The following CATSPERD variants were observed in gnomAD, a reference collection of about 807,000 sequenced individuals.
CATSPERD encodes the protein cation channel sperm-associated auxiliary subunit delta.
A neutral mutation model predicts 98.1 loss-of-function variants in CATSPERD; 86 were observed. That is an observed-to-expected ratio of 0.88 (90% CI 0.74 to 1.05). The LOEUF (loss-of-function observed/expected upper bound fraction) is 1.05, where lower values mean the gene tolerates loss of function less well. CATSPERD is among the 50% of genes least tolerant of loss of function. The probability of loss-of-function intolerance (pLI) is 0.00; values close to 1 mark genes in which losing one functional copy is unlikely to be tolerated. For missense variants in CATSPERD, 995 were observed against 1,005.7 expected (o/e 0.99, Z 0.14); for synonymous variants, 394 against 390.2 (o/e 1.01, Z -0.12).
At chr19:5,770,739 T>C (rs1340139244) in intron 18 of CATSPERD, among the ~76,000 whole-genome samples, 1 of 152,070 alleles carries the variant, frequency 6.6e-6, no homozygotes, top group Non-Finnish European at 1.5e-5. Context: ...CATGACTGCA[T>C]TACTATGCTC....
intron 9 of CATSPERD, among the ~76,000 whole-genome samples, chr19:5,747,875 G>A (rs2056126104): frequency 6.6e-6 from 1 of 152,114 alleles, no homozygotes; most frequent in South Asian, 2.1e-4. Context: ...GCCTCCCAAA[G>A]TACTGGGATT....
At chr19:5,721,799 G>T (rs1170426748) in intron 1 of CATSPERD, among the ~76,000 whole-genome samples, 2 of 151,980 alleles carry the variant, frequency 1.3e-5, no homozygotes, top group Non-Finnish European at 2.9e-5. Context: ...GACCAGCCTG[G>T]CCAACATGAT....
At position 5,763,300 on chromosome 19, in the gene CATSPERD, C is replaced by G. The variant is rs762381116; in HGVS notation, c.1506+7C>G. 3.7e-6 allele frequency: 6 copies of G among 1,611,152 alleles called. No homozygotes were observed. In the Admixed American group the frequency reaches 5.0e-5, roughly 13 times the overall value. On this transcript the variant is annotated splice_region_variant and intron_variant, in intron 16 of 21. Transcript: ENST00000381624. ...TGTGGATATCAAGCCACTGGTAGGT[C>G]CCAAATCTTTGCTGTCCCATATTCG...
Position 5,720,690 on chromosome 19 carries a change from C to A in CATSPERD, c.-48C>A. On this transcript the variant is annotated 5_prime_UTR_variant, in exon 1 of 22. Coordinates refer to ENST00000381624, the MANE Select transcript of CATSPERD (RefSeq NM_152784.4). ...TGCACGTACTCGGATTGTGCAGCGA[C>A]TCCCCGTGGCGGTTGAGGGGCAGTG... 6.4e-7 allele frequency: 1 copy of A among 1,569,188 alleles called. No individual in the cohort carries two copies.
chr19:5,741,788 G>A lies in CATSPERD; in HGVS notation c.573+2349G>A, dbSNP rs1055337162. Among the ~76,000 whole-genome samples the A allele has an allele frequency of 3.9e-4, 38 of 96,790 alleles. 10 individuals carry two copies. In the East Asian group the frequency reaches 8.4e-3, roughly 21 times the overall value. 63.5% of individuals were successfully genotyped at this position (96,790 alleles called of 152,430 possible). ...CAGCACTTTGGGATGCTGAAGGCGG[G>A]GGGGGGGGGGTGGTGTGGATCACTT... On this transcript the variant is annotated intron_variant, in intron 7 of 21. Transcript: ENST00000381624.
rs1305833783 is a variant in CATSPERD at position 5,729,879 on chromosome 19, GT to G, written c.218del (p.Phe73SerfsTer26). The G allele has an allele frequency of 5.1e-6, 8 of 1,580,656 alleles. No homozygotes were observed. Among genetic ancestry groups the G allele is most frequent in the South Asian group, 1.1e-5 (1 of 87,148 alleles). On this transcript the variant is annotated frameshift_variant, in exon 4 of 22. Coordinates refer to ENST00000381624, the MANE Select transcript of CATSPERD (RefSeq NM_152784.4). LOFTEE classifies it high-confidence loss of function. ...KNIALYLGKQ[V>X]FFTMDNFETS... ...ATTTATTGTTTATTTCAGGAAACAAGTTTTTTTCACAATGGATAACTTTGAG... is the reference window on the plus strand; with the variant it reads ...ATTTATTGTTTATTTCAGGAAACAAGTTTTTTCACAATGGATAACTTTGAG...
At chr19:5,751,197 C>CAAAAAAAAAAAA (rs556079596) in intron 11 of CATSPERD, among the ~76,000 whole-genome samples, 5 of 46,600 alleles carry the variant, frequency 1.1e-4, no homozygotes, top group Non-Finnish European at 1.5e-4. Flanking sequence ...GATTCCGTCT[C>CAAAAAAAAAAAA]AAAAAAAAAA....
In CATSPERD at chr19:5,776,239, C is replaced by T. The variant is rs553233604; in HGVS notation, c.2020C>T (p.Arg674Trp). 319 of 1,614,168 alleles carry T rather than the reference C, an allele frequency of 2.0e-4. 5 individuals carry two copies. In the South Asian group the frequency reaches 2.7e-3, roughly 13 times the overall value. The change falls in exon 21 of 22, where the codon CGG becomes TGG. Residue 674 changes from arginine (R) to tryptophan (W), a missense_variant. Physicochemically the swap from Arg to Trp is moderately radical, Grantham distance 101 (BLOSUM62 -3). This residue lies in a region of CATSPERD where 762 missense variants were observed against 773.7 expected (regional missense o/e 0.98). Coordinates refer to ENST00000381624, the MANE Select transcript of CATSPERD (RefSeq NM_152784.4). ...CGTCCAGTATCAGATCTTGGGCGGC[C>T]GGACAGCAAACCAGATCATTTTCGG... The part of the protein sequence containing the change: ...PDVQYQILGG[R>W]TANQIIFGHN...
intron 15 of CATSPERD, among the ~76,000 whole-genome samples, chr19:5,760,398 C>A (rs997378196): frequency 7.4e-4 from 102 of 138,742 alleles, no homozygotes; most frequent in Non-Finnish European, 9.3e-4. Flanking sequence ...AACTCGTTCT[C>A]AAAAAAAAAA....
At chr19:5,734,649 A>T (rs1310390256) in intron 5 of CATSPERD, among the ~76,000 whole-genome samples, 1 of 151,768 alleles carries the variant, frequency 6.6e-6, no homozygotes, top group Non-Finnish European at 1.5e-5. Context: ...AAAAAAAAAA[A>T]AATTAGCTGG....
rs1568378647 is a variant in CATSPERD at position 5,776,117 on chromosome 19, T to TC, written c.1942-40dup. 3 of 1,597,236 alleles carry TC rather than the reference T, an allele frequency of 1.9e-6. No individual in the cohort carries two copies. The South Asian group carries it at 3.3e-5, about 18-fold the overall frequency. Reference sequence around the variant, plus strand: ...GGGAGGAGGGAGGCTCAGGGCCCCCTCCCCAGTCCCTAGGGCCAGTGGGCA... The same window carrying TC: ...GGGAGGAGGGAGGCTCAGGGCCCCCTCCCCCAGTCCCTAGGGCCAGTGGGCA... On this transcript the variant is annotated intron_variant, in intron 20 of 21. Coordinates refer to ENST00000381624, the MANE Select transcript of CATSPERD (RefSeq NM_152784.4).
chr19:5,766,779 G>A (rs534193822), intron 17 of CATSPERD, among the ~76,000 whole-genome samples: 64 of 150,344 alleles, frequency 4.3e-4, no homozygotes, highest in African/African-American at 1.4e-3. Context: ...TGCAACCTCC[G>A]CCTCCCAGGT....
At chr19:5,733,702 C>T (rs527304342) in intron 4 of CATSPERD, among the ~76,000 whole-genome samples, 154 bp from the exon 5 acceptor site, 2 of 151,728 alleles carry the variant, frequency 1.3e-5, no homozygotes, top group Admixed American at 1.3e-4. Context: ...GTGATCTACC[C>T]GCCTTGGCCT....
At chr19:5,725,375 T>C (rs535619230) in intron 2 of CATSPERD, among the ~76,000 whole-genome samples, 1 of 152,230 alleles carries the variant, frequency 6.6e-6, no homozygotes, top group South Asian at 2.1e-4. Flanking sequence ...GGTCTCGAGC[T>C]CCTGGACTTA....
At chr19:5,733,806 A>G in intron 4 of CATSPERD, 50 bp from the exon 5 acceptor site, 1 of 1,270,300 alleles carries the variant, frequency 7.9e-7, no homozygotes, top group Non-Finnish European at 1.1e-6. Flanking sequence ...TTTCTGAATC[A>G]ATGTTTGAAA....
intron 16 of CATSPERD, among the ~76,000 whole-genome samples, chr19:5,765,770 C>T (rs922632366): frequency 2.6e-5 from 4 of 151,986 alleles, no homozygotes; most frequent in African/African-American, 9.7e-5. Context: ...TGAGACTGGG[C>T]CACTGCACTC....
intron 1 of CATSPERD, among the ~76,000 whole-genome samples, chr19:5,722,048 C>T (rs1234822349): frequency 6.6e-6 from 1 of 151,706 alleles, no homozygotes; most frequent in Admixed American, 6.6e-5. Flanking sequence ...AACTCCTAGG[C>T]TCCAGTGATC....
intron 1 of CATSPERD, 49 bp from the exon 2 acceptor site, chr19:5,724,759 G>T: frequency 6.4e-7 from 1 of 1,574,338 alleles, no homozygotes; most frequent in Non-Finnish European, 8.7e-7. Flanking sequence ...GAGGATTCAT[G>T]CTGAATATTC....
At chr19:5,747,917 G>C (rs1439930079) in intron 9 of CATSPERD, among the ~76,000 whole-genome samples, 1 of 152,024 alleles carries the variant, frequency 6.6e-6, no homozygotes, top group Admixed American at 6.6e-5. Flanking sequence ...TGGCAGAAGG[G>C]TTAGGTTTTC....
Sources: allele counts gnomAD v4.1 joint callset (sites outside exome capture counted in the v4.1 genomes callset), GRCh38; gene constraint gnomAD v4.1.1; regional missense constraint gnomAD v4.1.1; transcripts MANE v1.5; gene names NCBI Gene and HGNC (gene_info 2026-07-23, HGNC 2026-07-21).